The following ANTXR1 variants were observed in gnomAD, a reference collection of about 807,000 sequenced individuals.
The protein encoded by ANTXR1 is ANTXR cell adhesion molecule 1, also known as anthrax toxin receptor 1.
In ANTXR1, 19 loss-of-function variants were observed where a neutral mutation model predicts 78.1. The ratio of observed to expected loss-of-function variants is 0.24; its 90% confidence interval spans 0.17 to 0.36. The LOEUF (loss-of-function observed/expected upper bound fraction) is 0.36, where lower values mean the gene tolerates loss of function less well. Among genes scored for constraint, ANTXR1 ranks in the 10% least tolerant of loss-of-function variants. ANTXR1 has a pLI of 1.00. For missense variants in ANTXR1, 518 were observed against 718.6 expected, an observed-to-expected ratio of 0.72 and a Z score of 3.19; for synonymous variants, 273 against 260.5, an observed-to-expected ratio of 1.05 and a Z score of -0.46.
intron 14 of ANTXR1, 67 bp from the exon 15 acceptor site, chr2:69,181,719 G>T: frequency 6.9e-7 from 1 of 1,441,496 alleles, no homozygotes; most frequent in East Asian, 2.3e-5. Flanking sequence ...TAATCACTTG[G>T]CTGTAGTAGG....
chr2:69,105,738 T>A (rs892696225), intron 10 of ANTXR1, among the ~76,000 whole-genome samples: 4 of 152,254 alleles, frequency 2.6e-5, no homozygotes, highest in African/African-American at 9.6e-5. Flanking sequence ...TTATATCACA[T>A]ATTTCTTTTT....
intron 1 of ANTXR1, among the ~76,000 whole-genome samples, chr2:69,032,698 CA>C (rs1671564095): frequency 6.6e-6 from 1 of 152,014 alleles, no homozygotes; most frequent in East Asian, 1.9e-4. Flanking sequence ...GAATCTGCAC[CA>C]AAAGTACCAA....
At chr2:69,106,571 C>T (rs886846061) in intron 10 of ANTXR1, among the ~76,000 whole-genome samples, 3 of 152,228 alleles carry the variant, frequency 2.0e-5, no homozygotes, top group African/African-American at 7.2e-5. Context: ...CAGCAGGATA[C>T]ACCAATCATT....
chr2:69,034,090 A>G (rs1671606654), intron 1 of ANTXR1, among the ~76,000 whole-genome samples: 1 of 152,272 alleles, frequency 6.6e-6, no homozygotes, highest in African/African-American at 2.4e-5. Context: ...GGTTCCATGC[A>G]GAACCCTGCA....
At chr2:69,242,450 A>T (rs1193071910) in intron 17 of ANTXR1, among the ~76,000 whole-genome samples, 2 of 152,216 alleles carry the variant, frequency 1.3e-5, no homozygotes, top group East Asian at 3.8e-4. Flanking sequence ...TTGTCTCTGG[A>T]CAAAACAGCC....
At chr2:69,085,799 T>C (rs1038733783) in intron 8 of ANTXR1, among the ~76,000 whole-genome samples, 3 of 152,218 alleles carry the variant, frequency 2.0e-5, no homozygotes, top group Non-Finnish European at 4.4e-5. Context: ...AGATATTTCA[T>C]TGGTCAAATC....
chr2:69,100,211 G>A (rs889210105), intron 9 of ANTXR1, among the ~76,000 whole-genome samples: 2 of 152,182 alleles, frequency 1.3e-5, no homozygotes, highest in African/African-American at 4.8e-5. Context: ...TTCACTTACT[G>A]GCAGATTCAT....
intron 12 of ANTXR1, among the ~76,000 whole-genome samples, chr2:69,125,959 A>G (rs1672521282): frequency 6.6e-6 from 1 of 152,152 alleles, no homozygotes; most frequent in Non-Finnish European, 1.5e-5. Flanking sequence ...CTAGAAACTA[A>G]TGTTTGGCCT....
At chr2:69,187,520 T>C (rs1056248823) in intron 16 of ANTXR1, among the ~76,000 whole-genome samples, 1 of 150,518 alleles carries the variant, frequency 6.6e-6, no homozygotes, top group African/African-American at 2.4e-5. Context: ...TCTGACGTTA[T>C]CCGTTAAATC....
intron 11 of ANTXR1, among the ~76,000 whole-genome samples, chr2:69,124,014 C>T (rs899250008): frequency 9.9e-5 from 15 of 152,218 alleles, no homozygotes; most frequent in African/African-American, 3.4e-4. Context: ...GTCCATGCTG[C>T]GAAATGCAAC....
chr2:69,192,587 T>C (rs2104474880), intron 16 of ANTXR1, among the ~76,000 whole-genome samples: 1 of 152,330 alleles, frequency 6.6e-6, no homozygotes, highest in African/African-American at 2.4e-5. Context: ...CATTCTTACC[T>C]TAATCACATT....
chr2:69,165,595 G>A (rs1257390843), intron 13 of ANTXR1, among the ~76,000 whole-genome samples: 1 of 152,234 alleles, frequency 6.6e-6, no homozygotes, highest in Non-Finnish European at 1.5e-5. Flanking sequence ...GCAAAACAGG[G>A]GACCACAAGG....
intron 8 of ANTXR1, among the ~76,000 whole-genome samples, chr2:69,079,298 C>T (rs1413265805): frequency 6.6e-6 from 1 of 152,040 alleles, no homozygotes; most frequent in Non-Finnish European, 1.5e-5. Context: ...AAACAACAAC[C>T]CAAGGGATGC....
Position 69,245,582 on chromosome 2 carries a change from G to T in ANTXR1, c.*97G>T, listed in dbSNP as rs548286176. ...AAGAGGAGTGGTGATAAAGCCCACT[G>T]ACCTTCACACATTCTAAAAATTGGT... On this transcript the variant is annotated 3_prime_UTR_variant, in exon 18 of 18. Transcript: ENST00000303714. 4 of 1,537,882 alleles carry T rather than the reference G, an allele frequency of 2.6e-6. No individual in the cohort carries two copies. The highest frequency in any genetic ancestry group is 2.3e-5 in the East Asian group (1 of 44,136).
chr2:69,109,565 A>G (rs1252723347), intron 10 of ANTXR1, among the ~76,000 whole-genome samples: 2 of 152,254 alleles, frequency 1.3e-5, no homozygotes, highest in African/African-American at 4.8e-5. Flanking sequence ...TGAATTTAGT[A>G]TAAAATAAGG....
intron 3 of ANTXR1, among the ~76,000 whole-genome samples, chr2:69,050,751 T>C (rs533841637): frequency 2.9e-4 from 44 of 152,302 alleles, no homozygotes; most frequent in African/African-American, 1.0e-3. Flanking sequence ...TTATCACGTA[T>C]CTTTTTAATT....
In ANTXR1 at chr2:69,063,339, G is replaced by C. The variant is rs544293854; in HGVS notation, c.297-7308G>C. On this transcript the variant is annotated intron_variant, in intron 3 of 17. Coordinates refer to ENST00000303714, the MANE Select transcript of ANTXR1 (RefSeq NM_032208.3). ...TAAAAAAATAACTTACTTTTTATTA[G>C]GAAAAAAAAATGCAATCCAGAGAAT... 8.6e-5 allele frequency among the ~76,000 whole-genome samples: 13 copies of C among 151,026 alleles called. 1 individual carries two copies. The South Asian group carries it at 2.7e-3, about 31-fold the overall frequency.
chr2:69,024,869 T>A (rs1435225103), intron 1 of ANTXR1, among the ~76,000 whole-genome samples: 3 of 152,182 alleles, frequency 2.0e-5, no homozygotes, highest in African/African-American at 7.2e-5. Flanking sequence ...ATTCTAAAAT[T>A]GATCTTTTTA....
At chr2:69,156,122 A>G (rs910114485) in intron 13 of ANTXR1, among the ~76,000 whole-genome samples, 11 of 152,158 alleles carry the variant, frequency 7.2e-5, no homozygotes, top group African/African-American at 2.7e-4. Context: ...TGAGGGCTTC[A>G]GCACTCATAC....
Sources: gnomAD v4.1 joint callset for allele counts (sites outside exome capture counted in the v4.1 genomes callset) on GRCh38, gnomAD v4.1.1 for gene constraint, MANE v1.5 for transcripts, NCBI Gene and HGNC (gene_info 2026-07-23, HGNC 2026-07-21) for gene names.